ATAD3B: variants seen among roughly 807,000 people sequenced by gnomAD.
ATAD3B encodes ATPase family AAA domain-containing protein 3B.
A neutral mutation model predicts 70.2 loss-of-function variants in ATAD3B; 59 were observed. The observed-to-expected ratio is 0.84, with a 90% CI of 0.68 to 1.04. ATAD3B has a LOEUF of 1.04. Ranked by LOEUF, ATAD3B falls within the 50% of genes least tolerant of loss-of-function variation. The pLI, the probability that ATAD3B is intolerant of heterozygous loss-of-function variation, is 0.00. For missense variants in ATAD3B, 961 were observed against 913.4 expected (o/e 1.05, Z -0.67); for synonymous variants, 423 against 388.6 (o/e 1.09, Z -1.04).
At chr1:1,490,537 G>C in intron 14 of ATAD3B, 26 bp from the exon 15 acceptor site, 1 of 1,611,512 alleles carries the variant, frequency 6.2e-7, no homozygotes, top group South Asian at 1.1e-5. Flanking sequence ...GGCCTTGGCT[G>C]CCTCACTTGG....
chr1:1,505,770 G>A, the ATAD3B span, among the ~76,000 whole-genome samples: 2 of 152,176 alleles, frequency 1.3e-5, no homozygotes, highest in Non-Finnish European at 2.9e-5. Context: ...TATGATTATA[G>A]AGCGAGGATT....
chr1:1,488,003 G>A, intron 12 of ATAD3B, 89 bp downstream of exon 12: 4 of 1,549,208 alleles, frequency 2.6e-6, no homozygotes, highest in Non-Finnish European at 2.7e-6. Context: ...CCCTTAAGCT[G>A]GCTTGCAGTG....
At chr1:1,509,427 T>C in the ATAD3B span, 1 of 1,597,390 alleles carries the variant, frequency 6.3e-7, no homozygotes, top group Non-Finnish European at 8.5e-7. Flanking sequence ...CCCGCACATT[T>C]AGGAAATACT....
downstream of ATAD3B, chr1:1,497,993 C>T (rs546839977): frequency 2.6e-5 from 4 of 151,288 alleles, no homozygotes; most frequent in African/African-American, 9.7e-5. Flanking sequence ...TGGTGAAACC[C>T]CATCTCTACA....
chr1:1,505,812 C>T, the ATAD3B span, among the ~76,000 whole-genome samples: 1 of 152,218 alleles, frequency 6.6e-6, no homozygotes, highest in Non-Finnish European at 1.5e-5. Context: ...GCAATTGCTA[C>T]AAACTAATGA....
rs749399131 is a variant in ATAD3B at position 1,495,637 on chromosome 1, A to C, written c.1767A>C (p.Gln589His). 8 of 1,612,984 alleles carry C rather than the reference A, an allele frequency of 5.0e-6. No homozygotes were observed. In the East Asian group the frequency reaches 1.8e-4, roughly 36 times the overall value. Reference sequence around the variant, plus strand: ...TCGAGCACCCCCTATCCGGAGTCCAAGGCGAGACCCTCACCTCATGGAGCC... The same window carrying C: ...TCGAGCACCCCCTATCCGGAGTCCACGGCGAGACCCTCACCTCATGGAGCC... ...RGVEHPLSGV[Q>H]GETLTSWSLA... Residue 589 changes from glutamine (Q) to histidine (H), a missense_variant, in exon 16 of 16, where the codon CAA becomes CAC. Transcript: ENST00000673477.
At position 1,485,915 on chromosome 1, in the gene ATAD3B, C is replaced by T. The variant is rs554356765; in HGVS notation, c.963+77C>T. 393 of 1,608,690 alleles carry T rather than the reference C, an allele frequency of 2.4e-4. 5 individuals carry two copies. In the African/African-American group the frequency reaches 4.4e-3, roughly 18 times the overall value. ...TGGGCTGGGCTGTGGCCCTTGCTAG[C>T]GCTCGTGGTGGCGCCCAGGAGCTTT... is the stretch of plus-strand genomic sequence containing the variant. On this transcript the variant is annotated intron_variant, in intron 9 of 15. Transcript: ENST00000673477.
At chr1:1,477,436 G>C in intron 2 of ATAD3B, 86 bp downstream of exon 2, 7 of 1,592,322 alleles carry the variant, frequency 4.4e-6, no homozygotes, top group Non-Finnish European at 6.0e-6. Flanking sequence ...TGGTGGGTAG[G>C]GCCAGGGGCG....
At chr1:1,482,766 T>G (rs751306558) in intron 7 of ATAD3B, 152 bp downstream of exon 7, 3 of 1,263,178 alleles carry the variant, frequency 2.4e-6, no homozygotes, top group African/African-American at 3.0e-5. Flanking sequence ...TGGGCTCGGC[T>G]GCTCCTCCCT....
chr1:1,472,307 G>C (rs1639372385), intron 1 of ATAD3B, among the ~76,000 whole-genome samples: 1 of 152,016 alleles, frequency 6.6e-6, no homozygotes, highest in Non-Finnish European at 1.5e-5. Context: ...AGCGGGTCAG[G>C]TGCGAAAAGC....
rs1639884859 is a variant in ATAD3B, at chr1:1,480,996, G to A, written c.514+60G>A. The A allele has an allele frequency of 2.8e-5, 44 of 1,574,086 alleles. 6 individuals are homozygous for A. In the South Asian group the frequency reaches 3.4e-4, roughly 12 times the overall value. On this transcript the variant is annotated intron_variant, in intron 5 of 15. Transcript: ENST00000673477. The stretch of plus-strand genomic sequence containing the variant: ...GGCGGGGGCTGCTTGTGGATCCGGC[G>A]TGCACTCTGAGCCTGAGTTCTGCCG...
At chr1:1,473,707 G>A (rs551204861) in intron 1 of ATAD3B, among the ~76,000 whole-genome samples, 2 of 151,796 alleles carry the variant, frequency 1.3e-5, no homozygotes, top group Admixed American at 1.3e-4. Context: ...CCTTGGCCAG[G>A]GTGGTCTTGA....
At chr1:1,506,110 G>A in the ATAD3B span, among the ~76,000 whole-genome samples, 2 of 152,084 alleles carry the variant, frequency 1.3e-5, no homozygotes, top group East Asian at 1.9e-4. Context: ...GTGTGTGCCT[G>A]TAATCCTACC....
chr1:1,501,140 G>A (rs931153015), downstream of ATAD3B, among the ~76,000 whole-genome samples: 1 of 152,106 alleles, frequency 6.6e-6, no homozygotes, highest in African/African-American at 2.4e-5. Flanking sequence ...CCAGGCTGGA[G>A]TGCAATGGCG....
intron 1 of ATAD3B, among the ~76,000 whole-genome samples, chr1:1,474,140 C>T (rs1383824443): frequency 6.6e-6 from 1 of 151,986 alleles, no homozygotes; most frequent in African/African-American, 2.4e-5. Flanking sequence ...CCGTCTCAGC[C>T]TCCTGAGGAG....
chr1:1,500,412 C>T (rs1445021731), downstream of ATAD3B, among the ~76,000 whole-genome samples: 19 of 148,080 alleles, frequency 1.3e-4, no homozygotes, highest in East Asian at 4.1e-4. Context: ...AATAGCCGGG[C>T]GTGGTGGCGG....
At chr1:1,479,704 G>A (rs111163135) in intron 4 of ATAD3B, among the ~76,000 whole-genome samples, 7,927 of 137,714 alleles carry the variant, frequency 0.058, 780 homozygotes, top group Middle Eastern at 0.19. Flanking sequence ...CTCCCGCATG[G>A]GGCATGCACG....
intron 13 of ATAD3B, chr1:1,489,700 A>C: frequency 7.6e-7 from 1 of 1,313,632 alleles, no homozygotes; most frequent in South Asian, 1.2e-5. Context: ...AGCCCCAGTC[A>C]CGTGTCACAC....
intron 7 of ATAD3B, among the ~76,000 whole-genome samples, chr1:1,483,283 A>G (rs1640022588): frequency 6.6e-6 from 1 of 151,938 alleles, no homozygotes; most frequent in Non-Finnish European, 1.5e-5. Context: ...CATGACCAAC[A>G]TGGTGAAACC....
Sources: gnomAD v4.1 joint callset for allele counts (sites outside exome capture counted in the v4.1 genomes callset) on GRCh38, gnomAD v4.1.1 for gene constraint, MANE v1.5 for transcripts, NCBI Gene and HGNC (gene_info 2026-07-23, HGNC 2026-07-21) for gene names.